CDH6: variants seen among roughly 807,000 people sequenced by gnomAD.
CDH6 encodes the protein cadherin 6, also known as cadherin-6.
Under a neutral mutation model 78.0 loss-of-function variants are expected in CDH6, and 31 were observed. The ratio of observed to expected loss-of-function variants is 0.40; its 90% CI spans 0.30 to 0.54. The LOEUF is 0.54. Ranked by LOEUF, CDH6 falls within the 20% of genes least tolerant of loss-of-function variation. The pLI, the probability that CDH6 is intolerant of heterozygous loss-of-function variation, is 0.56. For synonymous variants in CDH6, 376 were observed against 368.8 expected, an observed-to-expected ratio of 1.02 and a Z score of -0.23; for missense variants, 724 against 975.9, an observed-to-expected ratio of 0.74 and a Z score of 3.44.
chr5:31,300,260 C>A (rs1737729717), intron 5 of CDH6, among the ~76,000 whole-genome samples: 1 of 152,140 alleles, frequency 6.6e-6, no homozygotes, highest in Non-Finnish European at 1.5e-5. Flanking sequence ...TCACATAGAG[C>A]TACCCAAGAG....
At chr5:31,217,669 C>T (rs1160545034) in intron 1 of CDH6, among the ~76,000 whole-genome samples, 2 of 152,014 alleles carry the variant, frequency 1.3e-5, no homozygotes, top group South Asian at 2.1e-4. Context: ...GGTTAGGTGG[C>T]GAGGTAAAAC....
At chr5:31,274,879 C>A (rs984331788) in intron 2 of CDH6, among the ~76,000 whole-genome samples, 1 of 152,128 alleles carries the variant, frequency 6.6e-6, no homozygotes, top group East Asian at 1.9e-4. Flanking sequence ...GAGTTTGGAT[C>A]CTTTTTGTTC....
intron 4 of CDH6, among the ~76,000 whole-genome samples, chr5:31,299,064 C>T (rs1579896209): frequency 6.6e-6 from 1 of 152,140 alleles, no homozygotes; most frequent in South Asian, 2.1e-4. Context: ...TCATAATTCA[C>T]CTAAATGTCT....
intron 11 of CDH6, among the ~76,000 whole-genome samples, chr5:31,321,266 A>C (rs1738472208): frequency 6.6e-6 from 1 of 151,986 alleles, no homozygotes; most frequent in Non-Finnish European, 1.5e-5. Context: ...GTTGCATCAA[A>C]CAAGGCATCA....
intron 1 of CDH6, among the ~76,000 whole-genome samples, chr5:31,233,191 TAC>T (rs1440925085): frequency 2.0e-5 from 3 of 149,374 alleles, no homozygotes; most frequent in Non-Finnish European, 4.5e-5. Context: ...CATATACACA[TAC>T]AGAGAGTATA....
Position 31,291,448 on chromosome 5 carries a change from G to A in CDH6, c.229-2514G>A, listed in dbSNP as rs189009650. Among the ~76,000 whole-genome samples the A allele has an allele frequency of 1.1e-4, 16 of 152,252 alleles. No individual in the cohort carries two copies. The East Asian group carries it at 3.1e-3, about 29-fold the overall frequency. ...GGTGGTTAATGTACTATTTGCATGT[G>A]GTCTTCAATTAGATCTTCACAACAG... is the stretch of plus-strand genomic sequence containing the variant. On this transcript the variant is annotated intron_variant, in intron 2 of 11. Transcript: ENST00000265071.
At position 31,323,301 on chromosome 5, in the gene CDH6, A is replaced by G. The variant is rs1738525955; in HGVS notation, c.2366A>G (p.Asp789Gly). 5 of 1,598,434 alleles carry G rather than the reference A, an allele frequency of 3.1e-6. No individual in the cohort carries two copies. Among genetic ancestry groups the G allele is most frequent in the Non-Finnish European group, 4.3e-6 (5 of 1,167,972 alleles). ...DMYGGVDSDKDS is the reference protein window; with the variant it reads ...DMYGGVDSDKGS Reference sequence around the variant, plus strand: ...TATGGAGGAGTGGACAGTGACAAAGACTCCTAATCTGTTGCCTTTTTCATT... The same window carrying G: ...TATGGAGGAGTGGACAGTGACAAAGGCTCCTAATCTGTTGCCTTTTTCATT... Residue 789 changes from aspartate to glycine, a missense_variant, in exon 12 of 12, where the codon GAC becomes GGC. Transcript: ENST00000265071.
intron 1 of CDH6, among the ~76,000 whole-genome samples, chr5:31,265,776 T>TTG (rs1554007063): frequency 1.5e-5 from 2 of 133,436 alleles, no homozygotes; most frequent in African/African-American, 5.8e-5. Context: ...AATGTTTTTT[T>TTG]TTTTTTTTTT....
intron 2 of CDH6, among the ~76,000 whole-genome samples, chr5:31,281,207 A>AT (rs556879215): frequency 5.3e-5 from 8 of 152,158 alleles, no homozygotes; most frequent in East Asian, 1.9e-4. Context: ...TAAGGAACAC[A>AT]TTTTTTTAAA....
intron 7 of CDH6, among the ~76,000 whole-genome samples, chr5:31,306,827 A>G (rs1367271149): frequency 6.6e-6 from 1 of 152,228 alleles, no homozygotes; most frequent in Non-Finnish European, 1.5e-5. Context: ...TAAGTGGAAA[A>G]TAAGGCAGAA....
At chr5:31,298,716 GTTCT>G (rs1300542092) in intron 4 of CDH6, among the ~76,000 whole-genome samples, 1 of 152,156 alleles carries the variant, frequency 6.6e-6, no homozygotes, top group Non-Finnish European at 1.5e-5. Flanking sequence ...ACTTTTAGAA[GTTCT>G]TTAACTATTT....
chr5:31,256,467 C>A (rs1421779607), intron 1 of CDH6, among the ~76,000 whole-genome samples: 3 of 152,138 alleles, frequency 2.0e-5, no homozygotes, highest in Admixed American at 1.3e-4. Flanking sequence ...AAAGAAAGAG[C>A]AAAATAAAGT....
At chr5:31,302,800 GAAAGAAAGAAAGAAAGAAAGAA>G in intron 6 of CDH6, among the ~76,000 whole-genome samples, 1 of 59,746 alleles carries the variant, frequency 1.7e-5, no homozygotes, top group African/African-American at 7.5e-5. Context: ...GAGAGAGAGA[GAAAGAAAGAAAGAAAGAAAGAA>G]AGAAAGAAAG....
Position 31,323,264 on chromosome 5 carries a change from C to G in CDH6, c.2329C>G (p.Leu777Val). 1.9e-6 allele frequency: 3 copies of G among 1,614,112 alleles called. No individual in the cohort carries two copies. The highest frequency in any genetic ancestry group is 2.5e-6 in the Non-Finnish European group (3 of 1,179,958). Residue 777 changes from leucine to valine, a missense_variant, in exon 12 of 12, where the codon CTT becomes GTT. Around this residue, in one of 3 missense-constraint regions of CDH6, gnomAD observed 220 missense variants for 240.6 expected, o/e 0.91. Transcript: ENST00000265071. ...LSDWGPRFKK[L>V]ADMYGGVDSD... ...TGACTGGGGACCTCGATTCAAAAAG[C>G]TTGCAGATATGTATGGAGGAGTGGA...
intron 1 of CDH6, among the ~76,000 whole-genome samples, chr5:31,236,231 T>G (rs1328146489): frequency 1.3e-5 from 2 of 152,204 alleles, no homozygotes; most frequent in Non-Finnish European, 2.9e-5. Context: ...GGAAAATTAA[T>G]GGGAAAATTT....
intron 1 of CDH6, among the ~76,000 whole-genome samples, chr5:31,252,328 G>GGTGTGTGT (rs5867065): frequency 0.12 from 17,233 of 148,920 alleles, 1,060 homozygotes; most frequent in South Asian, 0.13. Context: ...ATGTGTGTGT[G>GGTGTGTGT]GTGTGTGTGT....
At chr5:31,248,980 A>G (rs1489903306) in intron 1 of CDH6, among the ~76,000 whole-genome samples, 4 of 152,150 alleles carry the variant, frequency 2.6e-5, no homozygotes, top group Admixed American at 1.3e-4. Context: ...AAATAAAGAT[A>G]AGATGGAATG....
intron 1 of CDH6, among the ~76,000 whole-genome samples, chr5:31,224,488 T>C (rs764919341): frequency 6.6e-6 from 1 of 152,162 alleles, no homozygotes; most frequent in Non-Finnish European, 1.5e-5. Flanking sequence ...TAAAGTAATA[T>C]GGACAGCTAG....
intron 1 of CDH6, among the ~76,000 whole-genome samples, chr5:31,216,664 A>C (rs1453442908): frequency 2.3e-5 from 3 of 132,330 alleles, no homozygotes; most frequent in Non-Finnish European, 4.8e-5. Flanking sequence ...TCCTGCTGTA[A>C]TATAGCAAGC....
Sources: allele counts gnomAD v4.1 joint callset (sites outside exome capture counted in the v4.1 genomes callset), GRCh38; gene constraint gnomAD v4.1.1; regional missense constraint gnomAD v4.1.1; transcripts MANE v1.5; gene names NCBI Gene and HGNC (gene_info 2026-07-23, HGNC 2026-07-21).